SDCCAG8: variants seen among roughly 807,000 people sequenced by gnomAD.
SDCCAG8 encodes the protein SHH signaling and ciliogenesis regulator SDCCAG8.
A neutral mutation model predicts 101.8 loss-of-function variants in SDCCAG8; 74 were observed. The observed-to-expected ratio is 0.73, with a 90% CI of 0.60 to 0.88. The LOEUF is 0.88. SDCCAG8 is among the 40% of genes least tolerant of loss of function. The probability of loss-of-function intolerance (pLI) is 0.00; values close to 1 mark genes in which losing one functional copy is unlikely to be tolerated. For synonymous variants in SDCCAG8, 281 were observed against 292.9 expected, an observed-to-expected ratio of 0.96 and a Z score of 0.41; for missense variants, 787 against 822.6, an observed-to-expected ratio of 0.96 and a Z score of 0.53.
intron 9 of SDCCAG8, among the ~76,000 whole-genome samples, chr1:243,320,098 C>G (rs2149335933): frequency 6.6e-6 from 1 of 152,318 alleles, no homozygotes; most frequent in Non-Finnish European, 1.5e-5. Flanking sequence ...TATTCTCTTA[C>G]TGGATGGCAC....
chr1:243,378,692 G>A (rs1440831603), intron 12 of SDCCAG8, 29 bp from the exon 13 acceptor site: 2 of 1,611,766 alleles, frequency 1.2e-6, no homozygotes, highest in African/African-American at 2.7e-5. Flanking sequence ...ATTTTATATG[G>A]ATGCTTTTTC....
rs1198203146 is a variant in SDCCAG8 at position 243,454,602 on chromosome 1, C to T, written c.1985+28044C>T. ...AGTGGCTAATAGGAATCTGCTCCAG[C>T]TAAGCATATGTTATCTCACATATTG... On this transcript the variant is annotated intron_variant, in intron 16 of 17. Coordinates refer to ENST00000366541, the MANE Select transcript of SDCCAG8 (RefSeq NM_006642.5). Among the ~76,000 whole-genome samples, 7 of 152,284 alleles carry T rather than the reference C, an allele frequency of 4.6e-5. No individual in the cohort carries two copies. In the East Asian group the frequency reaches 1.4e-3, roughly 29 times the overall value.
chr1:243,471,320 C>T (rs1052785835), intron 16 of SDCCAG8, among the ~76,000 whole-genome samples: 2 of 152,186 alleles, frequency 1.3e-5, no homozygotes, highest in East Asian at 1.9e-4. Context: ...GCAATTGGCC[C>T]TCGGGCGGGT....
At chr1:243,415,410 A>G (rs917808439) in intron 13 of SDCCAG8, among the ~76,000 whole-genome samples, 4 of 152,192 alleles carry the variant, frequency 2.6e-5, no homozygotes, top group African/African-American at 9.6e-5. Context: ...AACATTAAGA[A>G]TATTAGAGAA....
At chr1:243,370,487 C>T (rs2077227691) in intron 12 of SDCCAG8, among the ~76,000 whole-genome samples, 1 of 152,076 alleles carries the variant, frequency 6.6e-6, no homozygotes, top group Non-Finnish European at 1.5e-5. Flanking sequence ...TTTTTGTAAA[C>T]TGACCGCAGA....
At chr1:243,361,500 A>G (rs1399408611) in intron 12 of SDCCAG8, among the ~76,000 whole-genome samples, 3 of 152,152 alleles carry the variant, frequency 2.0e-5, no homozygotes, top group Admixed American at 6.5e-5. Context: ...ATGGCTTCCC[A>G]TTTGCATTTA....
intron 16 of SDCCAG8, among the ~76,000 whole-genome samples, chr1:243,469,332 G>C (rs549428894): frequency 4.5e-4 from 68 of 152,240 alleles, no homozygotes; most frequent in African/African-American, 1.6e-3. Flanking sequence ...ACTTGTATAT[G>C]TAGCTACCTA....
chr1:243,263,957 G>C (rs986473474), intron 1 of SDCCAG8, among the ~76,000 whole-genome samples: 1 of 152,160 alleles, frequency 6.6e-6, no homozygotes, highest in South Asian at 2.1e-4. Context: ...AGATAGACAT[G>C]TATTTCTTAT....
At chr1:243,398,158 A>G (rs1480167021) in intron 13 of SDCCAG8, among the ~76,000 whole-genome samples, 4 of 152,228 alleles carry the variant, frequency 2.6e-5, no homozygotes, top group Non-Finnish European at 5.9e-5. Flanking sequence ...CACAAAGTAA[A>G]TGAGTACTGT....
chr1:243,451,030 AT>A (rs1274340589), intron 16 of SDCCAG8, among the ~76,000 whole-genome samples: 5 of 152,248 alleles, frequency 3.3e-5, no homozygotes, highest in Non-Finnish European at 5.9e-5. Context: ...TGTTCAAAAT[AT>A]ATCCCCTAAG....
At position 243,474,588 on chromosome 1, in the gene SDCCAG8, G is replaced by A. The variant is rs111401733; in HGVS notation, c.1986-14426G>A. On this transcript the variant is annotated intron_variant, in intron 16 of 17. Transcript: ENST00000366541. This position sits in a 1 kb window ranked among gnomAD's most constrained non-coding sequence, Gnocchi z 4.7. The stretch of plus-strand genomic sequence containing the variant: ...GCCACCCTGCCCGGCGAGGGAGAGG[G>A]GTGTCTCCTGCCTGGAGCGCTCCGC... 2.0e-3 allele frequency among the ~76,000 whole-genome samples: 309 copies of A among 152,356 alleles called. 1 individual carries two copies. The highest frequency in any genetic ancestry group is 1.2e-3 in the Admixed American group (19 of 15,308).
At chr1:243,493,178 T>C (rs1477828929) in intron 17 of SDCCAG8, among the ~76,000 whole-genome samples, 4 of 131,742 alleles carry the variant, frequency 3.0e-5, no homozygotes, top group Non-Finnish European at 6.3e-5. Context: ...ACTCTCGCCC[T>C]CTTGAGAGGC....
At chr1:243,348,737 G>A (rs905572255) in intron 12 of SDCCAG8, among the ~76,000 whole-genome samples, 2 of 151,564 alleles carry the variant, frequency 1.3e-5, no homozygotes, top group African/African-American at 4.9e-5. Context: ...GCTTTGGGAG[G>A]CCGAGGTGGC....
rs143995815 is a variant in SDCCAG8 at position 243,421,145 on chromosome 1, T to A, written c.1853+3069T>A. 2.1e-3 allele frequency among the ~76,000 whole-genome samples: 322 copies of A among 152,350 alleles called. 3 individuals carry two copies. The highest frequency in any genetic ancestry group is 7.4e-3 in the African/African-American group (308 of 41,584). ...CAGAGTATTACAGTAAAATTCTTCT[T>A]GAAAAGTAAGTGTATTTATTTTGTA... is the stretch of plus-strand genomic sequence containing the variant. On this transcript the variant is annotated intron_variant, in intron 15 of 17. Transcript: ENST00000366541.
At chr1:243,472,308 A>AAAC (rs1401476801) in intron 16 of SDCCAG8, among the ~76,000 whole-genome samples, 2 of 152,216 alleles carry the variant, frequency 1.3e-5, no homozygotes, top group Non-Finnish European at 2.9e-5. Flanking sequence ...TGACTAAATC[A>AAAC]TCAAACCAGT....
intron 4 of SDCCAG8, among the ~76,000 whole-genome samples, chr1:243,280,405 T>C (rs1490398835): frequency 2.0e-5 from 3 of 152,138 alleles, no homozygotes; most frequent in African/African-American, 4.8e-5. Context: ...TTGTTGTTTT[T>C]CTCTGTTGAT....
At chr1:243,483,004 AC>A (rs1182877811) in intron 16 of SDCCAG8, among the ~76,000 whole-genome samples, 2 of 152,058 alleles carry the variant, frequency 1.3e-5, no homozygotes, top group Admixed American at 1.3e-4. Flanking sequence ...ATGATGGCAA[AC>A]CCCCTCGCCC....
intron 17 of SDCCAG8, among the ~76,000 whole-genome samples, chr1:243,495,319 C>T (rs934353696): frequency 5.3e-5 from 8 of 152,324 alleles, no homozygotes; most frequent in Non-Finnish European, 7.3e-5. Context: ...GTCTGCAAGG[C>T]GGCCTTCTCT....
intron 12 of SDCCAG8, among the ~76,000 whole-genome samples, chr1:243,363,915 C>T (rs752638990): frequency 5.9e-5 from 9 of 152,186 alleles, no homozygotes; most frequent in Non-Finnish European, 1.0e-4. Context: ...TAAAAATCTA[C>T]TTCACATTTT....
Sources: allele counts gnomAD v4.1 joint callset (sites outside exome capture counted in the v4.1 genomes callset), GRCh38; gene constraint gnomAD v4.1.1; non-coding constraint Gnocchi (gnomAD v3.1); transcripts MANE v1.5; gene names NCBI Gene and HGNC (gene_info 2026-07-23, HGNC 2026-07-21).